The following FAR2 variants were observed in gnomAD, a reference collection of about 807,000 sequenced individuals.
FAR2 encodes epididymis secretory protein Li 81.
FAR2 carries 19 observed loss-of-function variants against 56.0 expected under a neutral mutation model. That is an observed-to-expected ratio of 0.34 (90% CI 0.24 to 0.50). FAR2 has a LOEUF of 0.50. FAR2 is among the 20% of genes least tolerant of loss of function. The pLI is 0.98. For synonymous variants in FAR2, 219 were observed against 218.8 expected (o/e 1.00, Z -0.01); for missense variants, 508 against 642.2 (o/e 0.79, Z 2.26).
chr12:29,329,295 T>C (rs562559521), intron 10 of FAR2, among the ~76,000 whole-genome samples: 3 of 152,342 alleles, frequency 2.0e-5, no homozygotes, highest in South Asian at 2.1e-4. Flanking sequence ...CTTATCCTTA[T>C]GTATTTTCTC....
chr12:29,248,655 G>A (rs967896448), intron 1 of FAR2, among the ~76,000 whole-genome samples: 47 of 152,298 alleles, frequency 3.1e-4, no homozygotes, highest in African/African-American at 1.1e-3. Context: ...ACAGCAACTG[G>A]TCTGACCAAA....
chr12:29,226,655 CAG>C (rs1274791885), intron 1 of FAR2, among the ~76,000 whole-genome samples: 1 of 152,066 alleles, frequency 6.6e-6, no homozygotes, highest in Admixed American at 6.6e-5. Context: ...CCCATCTTAT[CAG>C]AGAGTTTAGA....
intron 1 of FAR2, among the ~76,000 whole-genome samples, chr12:29,152,803 A>C (rs1027214679): frequency 6.6e-6 from 1 of 152,258 alleles, no homozygotes; most frequent in Non-Finnish European, 1.5e-5. Context: ...AAATAAGTGC[A>C]ATTAATTCCC....
intron 1 of FAR2, among the ~76,000 whole-genome samples, chr12:29,250,022 C>T (rs896651599): frequency 2.0e-5 from 3 of 152,172 alleles, no homozygotes; most frequent in Non-Finnish European, 4.4e-5. Flanking sequence ...CTCGAATGCT[C>T]ACTAGCATTT....
chr12:29,208,670 C>T (rs1947505514), intron 1 of FAR2, among the ~76,000 whole-genome samples: 1 of 152,062 alleles, frequency 6.6e-6, no homozygotes, highest in South Asian at 2.1e-4. Context: ...AAATGCCCAC[C>T]TGTTGGCCAG....
intron 1 of FAR2, among the ~76,000 whole-genome samples, chr12:29,197,199 G>C (rs1363489854): frequency 1.3e-5 from 2 of 152,166 alleles, no homozygotes; most frequent in African/African-American, 4.8e-5. Context: ...GGGAAAGTTT[G>C]TTTCATAAGC....
chr12:29,316,774 T>C, intron 8 of FAR2, 67 bp from the exon 9 acceptor site: 1 of 1,487,580 alleles, frequency 6.7e-7, no homozygotes, highest in East Asian at 2.3e-5. Flanking sequence ...CCATTACAAA[T>C]GCTTTCCACT....
chr12:29,311,134 C>T lies in FAR2; in HGVS notation c.875C>T (p.Thr292Ile). The change falls in exon 7 of 12, where the codon ACT (threonine) becomes ATT (isoleucine). Residue 292 changes from threonine (T) to isoleucine (I), a missense_variant. Transcript: ENST00000536681. ...CTCATGCTAGCTGTAGGATGGTATA[C>T]TGCAGTTCACAGGTGTGGATGCTCA... ...VNLMLAVGWY[T>I]AVHRPKSTLV... The T allele has an allele frequency of 2.5e-6, 4 of 1,612,186 alleles. No homozygotes were observed. Among genetic ancestry groups the T allele is most frequent in the Non-Finnish European group, 3.4e-6 (4 of 1,178,384 alleles).
Position 29,333,616 on chromosome 12 carries a change from T to C in FAR2, c.1386-16T>C. On this transcript the variant is annotated splice_polypyrimidine_tract_variant and intron_variant, in intron 11 of 11. Transcript: ENST00000536681. ...TCTGGTAGTTTTAACTTTGGTTATGTCTGTCTGTTCCCTAGGCTCCGAAAT... is the reference window on the plus strand; with the variant it reads ...TCTGGTAGTTTTAACTTTGGTTATGCCTGTCTGTTCCCTAGGCTCCGAAAT... The C allele has an allele frequency of 1.2e-6, 2 of 1,606,112 alleles. No homozygotes were observed. The highest frequency in any genetic ancestry group is 8.5e-7 in the Non-Finnish European group (1 of 1,175,986).
At chr12:29,218,799 A>G (rs1947652423) in intron 1 of FAR2, among the ~76,000 whole-genome samples, 1 of 152,184 alleles carries the variant, frequency 6.6e-6, no homozygotes, top group African/African-American at 2.4e-5. Context: ...CATAACGGCA[A>G]ACTTCTCAGA....
At chr12:29,287,532 A>C (rs1194574244) in intron 2 of FAR2, among the ~76,000 whole-genome samples, 1 of 152,200 alleles carries the variant, frequency 6.6e-6, no homozygotes, top group African/African-American at 2.4e-5. Context: ...ATTCTCTAAA[A>C]AAAATTACAG....
intron 9 of FAR2, among the ~76,000 whole-genome samples, chr12:29,320,227 C>T (rs1949528387): frequency 2.0e-5 from 3 of 152,106 alleles, no homozygotes; most frequent in Non-Finnish European, 4.4e-5. Flanking sequence ...TAAAGACCTT[C>T]TCTATCTGGG....
At chr12:29,319,140 G>A (rs12320212) in intron 9 of FAR2, among the ~76,000 whole-genome samples, 39,241 of 151,624 alleles carry the variant, frequency 0.26, 5,226 homozygotes, top group Middle Eastern at 0.4. Context: ...ACAGGCGCCC[G>A]CCACTGTGCC....
intron 1 of FAR2, among the ~76,000 whole-genome samples, chr12:29,191,208 G>A (rs1273133817): frequency 6.6e-6 from 1 of 152,174 alleles, no homozygotes. Context: ...AGAAAACAAA[G>A]TCTCAGATAA....
At chr12:29,267,928 C>T (rs781214241) in intron 1 of FAR2, among the ~76,000 whole-genome samples, 2 of 152,182 alleles carry the variant, frequency 1.3e-5, no homozygotes, top group Non-Finnish European at 2.9e-5. Flanking sequence ...GCTGGCCTCC[C>T]CTGCTAGAGT....
intron 1 of FAR2, among the ~76,000 whole-genome samples, chr12:29,265,118 T>C (rs999912081): frequency 3.3e-5 from 5 of 152,316 alleles, no homozygotes; most frequent in Non-Finnish European, 7.3e-5. Flanking sequence ...AATCTACAGA[T>C]TCAATGCCAT....
At chr12:29,313,611 G>C (rs1949390590) in intron 8 of FAR2, among the ~76,000 whole-genome samples, 1 of 151,926 alleles carries the variant, frequency 6.6e-6, no homozygotes, top group South Asian at 2.1e-4. Context: ...GAATTTTGCA[G>C]GCTTTCAGTT....
intron 1 of FAR2, among the ~76,000 whole-genome samples, chr12:29,208,187 A>C (rs182643941): frequency 6.6e-6 from 1 of 152,388 alleles, no homozygotes; most frequent in African/African-American, 2.4e-5. Context: ...GCATCTCTGC[A>C]GAAAAACTAC....
chr12:29,303,476 T>C (rs886868015), intron 4 of FAR2, among the ~76,000 whole-genome samples: 1 of 152,116 alleles, frequency 6.6e-6, no homozygotes, highest in Non-Finnish European at 1.5e-5. Flanking sequence ...CTAAAAACCA[T>C]GCTTCTGAGG....
Sources: gnomAD v4.1 joint callset for allele counts (sites outside exome capture counted in the v4.1 genomes callset) on GRCh38, gnomAD v4.1.1 for gene constraint, MANE v1.5 for transcripts, NCBI Gene and HGNC (gene_info 2026-07-23, HGNC 2026-07-21) for gene names.